The following TRDN variants were observed in gnomAD, a reference collection of about 807,000 sequenced individuals.
TRDN encodes the protein triadin, also known as triadin in skeletal muscle.
Under a neutral mutation model 149.7 loss-of-function variants are expected in TRDN, and 161 were observed. The ratio of observed to expected loss-of-function variants is 1.08; its 90% CI spans 0.95 to 1.23. The LOEUF (loss-of-function observed/expected upper bound fraction) is 1.23. Among genes scored for constraint, TRDN ranks in the 50% most tolerant of loss-of-function variants. TRDN has a pLI of 0.00. For synonymous variants in TRDN, 294 were observed against 250.5 expected (o/e 1.17, Z -1.64); for missense variants, 896 against 823.5 (o/e 1.09, Z -1.08).
At chr6:123,328,174 C>T (rs935060631) in intron 23 of TRDN, among the ~76,000 whole-genome samples, 4 of 152,192 alleles carry the variant, frequency 2.6e-5, no homozygotes, top group African/African-American at 9.6e-5. Flanking sequence ...TTCTCTCACC[C>T]AGAATCCCTC....
chr6:123,283,805 T>C (rs1777691027), intron 24 of TRDN, among the ~76,000 whole-genome samples: 1 of 149,710 alleles, frequency 6.7e-6, no homozygotes, highest in South Asian at 2.1e-4. Context: ...GAAATGATAA[T>C]AAAAAATTAC....
In TRDN at chr6:123,279,039, G is replaced by A. The variant is rs369584691; in HGVS notation, c.1537+17C>T. On this transcript the variant is annotated intron_variant, in intron 25 of 40. Coordinates refer to ENST00000334268, the MANE Select transcript of TRDN (RefSeq NM_006073.4). ...ACATATGTACGTGTTTGTTTATTGA[G>A]CATGCATATAACATACGTGGAGGTT... 1.3e-4 allele frequency: 207 copies of A among 1,602,880 alleles called. No individual in the cohort carries two copies. In the Middle Eastern group the frequency reaches 1.4e-3, roughly 11 times the overall value.
At chr6:123,408,507 G>A (rs1428911896) in intron 12 of TRDN, among the ~76,000 whole-genome samples, 1 of 151,846 alleles carries the variant, frequency 6.6e-6, no homozygotes, top group Admixed American at 6.6e-5. Flanking sequence ...GAGAAACCCT[G>A]TCTCTACTAA....
At chr6:123,634,610 T>C (rs1786195214) in intron 1 of TRDN, among the ~76,000 whole-genome samples, 1 of 151,990 alleles carries the variant, frequency 6.6e-6, no homozygotes, top group South Asian at 2.1e-4. Flanking sequence ...AGGTGAGAAT[T>C]GCAAAGATAA....
At chr6:123,358,634 T>TTTTTG (rs1469728921) in intron 20 of TRDN, among the ~76,000 whole-genome samples, 2 of 24,172 alleles carry the variant, frequency 8.3e-5, no homozygotes, top group Non-Finnish European at 1.5e-4. Context: ...CTGGCTAATT[T>TTTTTG]TTTTGTATTG....
chr6:123,336,886 T>A lies in TRDN; in HGVS notation c.1420+733A>T, dbSNP rs149388193. On this transcript the variant is annotated intron_variant, in intron 22 of 40. Transcript: ENST00000334268. ...TAACACATATATACGTACTACAGAA[T>A]AAATTATAAATATTACAAGTGTGTT... Among the ~76,000 whole-genome samples, 68 of 151,712 alleles carry A rather than the reference T, an allele frequency of 4.5e-4. No individual in the cohort carries two copies. The East Asian group carries it at 9.7e-3, about 22-fold the overall frequency.
intron 24 of TRDN, among the ~76,000 whole-genome samples, chr6:123,287,313 A>G (rs1051211215): frequency 3.9e-5 from 6 of 152,140 alleles, no homozygotes; most frequent in South Asian, 2.1e-4. Flanking sequence ...GTACTCCCTA[A>G]GGTCTATATT....
intron 1 of TRDN, among the ~76,000 whole-genome samples, chr6:123,619,352 C>T (rs1420063646): frequency 6.6e-6 from 1 of 152,104 alleles, no homozygotes; most frequent in South Asian, 2.1e-4. Context: ...GACTCATTCA[C>T]ATTGCTGGAA....
chr6:123,304,372 C>T (rs1778534783), intron 24 of TRDN, among the ~76,000 whole-genome samples: 1 of 151,006 alleles, frequency 6.6e-6, no homozygotes, highest in South Asian at 2.1e-4. Context: ...CCTGCCTCAG[C>T]CTCCCAAGTA....
At chr6:123,480,256 A>AAAC in intron 9 of TRDN, among the ~76,000 whole-genome samples, 1 of 151,860 alleles carries the variant, frequency 6.6e-6, no homozygotes, top group Admixed American at 6.6e-5. Context: ...TTCCAAAAAA[A>AAAC]AAAAAAAAAG....
intron 1 of TRDN, among the ~76,000 whole-genome samples, chr6:123,579,171 T>C (rs1782999644): frequency 6.6e-6 from 1 of 152,118 alleles, no homozygotes; most frequent in African/African-American, 2.4e-5. Context: ...GGATTACCAA[T>C]ACTATGTTGA....
intron 1 of TRDN, among the ~76,000 whole-genome samples, chr6:123,620,087 C>A (rs1377815435): frequency 3.9e-5 from 6 of 152,108 alleles, no homozygotes; most frequent in Admixed American, 1.3e-4. Context: ...TGAAAAGAAT[C>A]CTCTGTTATT....
chr6:123,488,284 T>C (rs1014290933), intron 9 of TRDN, among the ~76,000 whole-genome samples: 5 of 152,094 alleles, frequency 3.3e-5, no homozygotes, highest in African/African-American at 1.2e-4. Flanking sequence ...TGCAAAAAAA[T>C]GGTAATGACC....
At chr6:123,289,577 T>C (rs1777925575) in intron 24 of TRDN, among the ~76,000 whole-genome samples, 1 of 152,102 alleles carries the variant, frequency 6.6e-6, no homozygotes, top group South Asian at 2.1e-4. Flanking sequence ...CAATTTACCA[T>C]TGCCATGACA....
chr6:123,621,117 C>G (rs1172926062), intron 1 of TRDN, among the ~76,000 whole-genome samples: 1 of 152,090 alleles, frequency 6.6e-6, no homozygotes, highest in Non-Finnish European at 1.5e-5. Context: ...AGTTGAATGC[C>G]TCACTCTACA....
chr6:123,244,924 G>A (rs144470001), intron 38 of TRDN, among the ~76,000 whole-genome samples: 2,766 of 152,266 alleles, frequency 0.018, 84 homozygotes, highest in African/African-American at 0.063. Context: ...AGCCATAAGA[G>A]AGTGGGGGCC....
intron 2 of TRDN, among the ~76,000 whole-genome samples, chr6:123,557,168 A>G (rs1781716543): frequency 6.6e-6 from 1 of 151,454 alleles, no homozygotes; most frequent in Admixed American, 6.6e-5. Flanking sequence ...CTCTTTTCAG[A>G]CTCAGCCCGC....
At chr6:123,459,415 G>C (rs1776321889) in intron 10 of TRDN, among the ~76,000 whole-genome samples, 8 of 152,118 alleles carry the variant, frequency 5.3e-5, no homozygotes, top group Admixed American at 4.6e-4. Flanking sequence ...ACAGAGTGTT[G>C]GTTGGTGGTT....
chr6:123,346,696 T>C (rs1020057483), intron 21 of TRDN, among the ~76,000 whole-genome samples: 3 of 152,036 alleles, frequency 2.0e-5, no homozygotes, highest in African/African-American at 7.2e-5. Context: ...AAGTTTGTGT[T>C]TTAAAAGATA....
Sources: gnomAD v4.1 joint callset for allele counts (sites outside exome capture counted in the v4.1 genomes callset) on GRCh38, gnomAD v4.1.1 for gene constraint, MANE v1.5 for transcripts, NCBI Gene and HGNC (gene_info 2026-07-23, HGNC 2026-07-21) for gene names.